The following WWOX variants were observed in gnomAD, a reference collection of about 807,000 sequenced individuals.
WWOX encodes the protein WW domain-containing oxidoreductase.
In WWOX, 69 loss-of-function variants were observed where a neutral mutation model predicts 46.2. That is an observed-to-expected ratio of 1.49 (90% CI 1.23 to 1.82). WWOX has a LOEUF of 1.82. Among genes scored for constraint, WWOX ranks in the 40% most tolerant of loss-of-function variants. The probability of loss-of-function intolerance (pLI) is 0.00; values close to 1 mark genes in which losing one functional copy is unlikely to be tolerated. For synonymous variants in WWOX, 359 were observed against 202.6 expected (o/e 1.77, Z -6.56); for missense variants, 919 against 542.6 (o/e 1.69, Z -6.89).
chr16:78,686,175 T>G (rs1225451414), intron 8 of WWOX, among the ~76,000 whole-genome samples: 2 of 152,164 alleles, frequency 1.3e-5, no homozygotes, highest in Non-Finnish European at 2.9e-5. Context: ...AATCTGGTTC[T>G]CAAAGTGTGG....
At chr16:78,917,975 G>A (rs2045291111) in intron 8 of WWOX, among the ~76,000 whole-genome samples, 1 of 152,176 alleles carries the variant, frequency 6.6e-6, no homozygotes, top group Non-Finnish European at 1.5e-5. Context: ...GTTGAGGCAG[G>A]AGGGCCACTT....
At chr16:79,016,004 C>G (rs1306187247) in intron 8 of WWOX, 2 of 152,232 alleles carry the variant, frequency 1.3e-5, no homozygotes, top group Admixed American at 1.3e-4. Flanking sequence ...CCGCCTCAGC[C>G]TCCCAGAGCG....
At chr16:78,587,740 A>G (rs564425909) in intron 8 of WWOX, among the ~76,000 whole-genome samples, 1 of 152,058 alleles carries the variant, frequency 6.6e-6, no homozygotes, top group African/African-American at 2.4e-5. Flanking sequence ...GTGGAGCTGG[A>G]TATAGACATT....
intron 8 of WWOX, among the ~76,000 whole-genome samples, chr16:78,620,807 A>G (rs2046162048): frequency 6.6e-6 from 1 of 152,160 alleles, no homozygotes; most frequent in Non-Finnish European, 1.5e-5. Flanking sequence ...ACTACTATAA[A>G]GACATACTTT....
intron 8 of WWOX, among the ~76,000 whole-genome samples, chr16:78,642,636 T>C (rs1255302237): frequency 2.0e-5 from 3 of 152,104 alleles, no homozygotes; most frequent in South Asian, 2.1e-4. Context: ...AGCTGAGATA[T>C]GGATGAAGAC....
intron 4 of WWOX, among the ~76,000 whole-genome samples, chr16:78,158,214 TG>T (rs2034668747): frequency 6.6e-6 from 1 of 152,218 alleles, no homozygotes; most frequent in African/African-American, 2.4e-5. Context: ...TTTCACATGG[TG>T]ATGTCAGGAA....
At chr16:78,540,873 G>T (rs1367207678) in intron 8 of WWOX, among the ~76,000 whole-genome samples, 1 of 152,086 alleles carries the variant, frequency 6.6e-6, no homozygotes, top group Non-Finnish European at 1.5e-5. Context: ...TTTCTTAGAG[G>T]TAGAGCCTCA....
chr16:78,326,641 A>G (rs373801443), intron 5 of WWOX, among the ~76,000 whole-genome samples: 24 of 142,416 alleles, frequency 1.7e-4, no homozygotes, highest in African/African-American at 6.3e-4. Context: ...AAGAACATAA[A>G]GCATATTTTC....
rs56230826 is a variant in WWOX at position 78,569,180 on chromosome 16, C to G, written c.1056+136428C>G. On this transcript the variant is annotated intron_variant, in intron 8 of 8. Transcript: ENST00000566780. ...AAGAACCCTATGGGCAGAAATGTGA[C>G]TTTCTGTAGCAAAGATGTACTGTTT... Among the ~76,000 whole-genome samples the G allele has an allele frequency of 5.7e-3, 872 of 152,268 alleles. 8 individuals carry two copies. The highest frequency in any genetic ancestry group is 0.02 in the African/African-American group (818 of 41,560).
At chr16:78,843,020 G>C (rs896791878) in intron 8 of WWOX, among the ~76,000 whole-genome samples, 1 of 150,006 alleles carries the variant, frequency 6.7e-6, no homozygotes, top group African/African-American at 2.4e-5. Context: ...AACAGGGCTG[G>C]CTATTTTACT....
intron 5 of WWOX, among the ~76,000 whole-genome samples, chr16:78,317,880 T>A (rs564312444): frequency 1.3e-5 from 2 of 152,334 alleles, no homozygotes; most frequent in African/African-American, 4.8e-5. Context: ...CGTAAACATC[T>A]TCTGTTTCTG....
At chr16:79,063,132 C>T (rs544361063) in intron 8 of WWOX, among the ~76,000 whole-genome samples, 1 of 152,310 alleles carries the variant, frequency 6.6e-6, no homozygotes, top group Non-Finnish European at 1.5e-5. Context: ...AGCTATTTCC[C>T]CACTTCTGCT....
intron 6 of WWOX, among the ~76,000 whole-genome samples, chr16:78,401,736 G>A (rs1361045920): frequency 6.6e-6 from 1 of 151,854 alleles, no homozygotes; most frequent in African/African-American, 2.4e-5. Context: ...GTCTTGCTCT[G>A]TCGCCCAGGC....
chr16:79,058,451 GAGAA>G (rs1446879491), intron 8 of WWOX, among the ~76,000 whole-genome samples: 1 of 152,034 alleles, frequency 6.6e-6, no homozygotes, highest in Non-Finnish European at 1.5e-5. Context: ...AATGTAGTGA[GAGAA>G]GGAAGGAAGA....
intron 8 of WWOX, among the ~76,000 whole-genome samples, chr16:78,935,547 A>C (rs146910241): frequency 6.7e-6 from 1 of 149,688 alleles, no homozygotes; most frequent in Admixed American, 6.6e-5. Flanking sequence ...ATAGGTGGGA[A>C]TTGAACAATG....
At position 78,886,721 on chromosome 16, in the gene WWOX, T is replaced by A. The variant is rs2044466451; in HGVS notation, c.1057-324887T>A. Among the ~76,000 whole-genome samples, 7 of 150,978 alleles carry A rather than the reference T, an allele frequency of 4.6e-5. No individual in the cohort carries two copies. The South Asian group carries it at 1.5e-3, about 32-fold the overall frequency. ...AAAAGAAAAACATATAGAGAAAGAA[T>A]ATGTCTAAAAGAAACTGCAGAGGCA... is the stretch of plus-strand genomic sequence containing the variant. On this transcript the variant is annotated intron_variant, in intron 8 of 8. Transcript: ENST00000566780.
At chr16:78,483,326 G>A (rs746751187) in intron 8 of WWOX, among the ~76,000 whole-genome samples, 17 of 151,456 alleles carry the variant, frequency 1.1e-4, no homozygotes, top group Admixed American at 2.0e-4. Flanking sequence ...GTGTGCCTCC[G>A]CTTTCATGAA....
intron 8 of WWOX, among the ~76,000 whole-genome samples, chr16:78,874,178 C>T (rs1398719849): frequency 1.3e-5 from 2 of 151,632 alleles, no homozygotes; most frequent in East Asian, 1.9e-4. Context: ...ATCGCTTGAA[C>T]CCAGGAGGTG....
At chr16:78,645,991 C>G (rs1288418694) in intron 8 of WWOX, among the ~76,000 whole-genome samples, 3 of 152,134 alleles carry the variant, frequency 2.0e-5, no homozygotes, top group Non-Finnish European at 2.9e-5. Context: ...TTCTCTCCCC[C>G]TCCTCTCCCC....
Sources: gnomAD v4.1 joint callset for allele counts (sites outside exome capture counted in the v4.1 genomes callset) on GRCh38, gnomAD v4.1.1 for gene constraint, MANE v1.5 for transcripts, NCBI Gene and HGNC (gene_info 2026-07-23, HGNC 2026-07-21) for gene names.